MGLL: variants seen among roughly 807,000 people sequenced by gnomAD.
The protein encoded by MGLL is monoglyceride lipase.
Under a neutral mutation model 29.1 loss-of-function variants are expected in MGLL, and 7 were observed. The ratio of observed to expected loss-of-function variants is 0.24; its 90% CI spans 0.14 to 0.45. MGLL has a LOEUF of 0.45. Ranked by LOEUF, MGLL falls within the 20% of genes least tolerant of loss-of-function variation. The pLI, the probability that MGLL is intolerant of heterozygous loss-of-function variation, is 0.99. For missense variants in MGLL, 356 were observed against 413.6 expected (o/e 0.86, Z 1.21); for synonymous variants, 148 against 168.3 (o/e 0.88, Z 0.93).
intron 6 of MGLL, among the ~76,000 whole-genome samples, chr3:127,701,889 C>T (rs940505577): frequency 1.3e-5 from 2 of 152,314 alleles, no homozygotes; most frequent in African/African-American, 4.8e-5. Flanking sequence ...TTAAGCATTT[C>T]CTCCTGTGGA....
At chr3:127,760,701 T>TG (rs1012830459) in intron 3 of MGLL, among the ~76,000 whole-genome samples, 1 of 152,170 alleles carries the variant, frequency 6.6e-6, no homozygotes, top group Non-Finnish European at 1.5e-5. Flanking sequence ...CAGCACTGAT[T>TG]GGGGGGCGCT....
chr3:127,727,315 C>T (rs947307427), intron 3 of MGLL, among the ~76,000 whole-genome samples: 1 of 152,158 alleles, frequency 6.6e-6, no homozygotes, highest in African/African-American at 2.4e-5. Context: ...CTTTCATGCT[C>T]TTCATTAGGC....
At chr3:127,696,085 C>A (rs1227172196) in intron 6 of MGLL, among the ~76,000 whole-genome samples, 3 of 152,186 alleles carry the variant, frequency 2.0e-5, no homozygotes, top group Non-Finnish European at 2.9e-5. Flanking sequence ...GGCCTCCGTG[C>A]CCCTCAGGGC....
intron 3 of MGLL, among the ~76,000 whole-genome samples, chr3:127,751,541 C>T (rs558367545): frequency 2.7e-4 from 41 of 152,006 alleles, no homozygotes; most frequent in African/African-American, 9.2e-4. Context: ...AGCTGCCATG[C>T]GACCTGCAGC....
intron 5 of MGLL, among the ~76,000 whole-genome samples, chr3:127,719,921 G>C (rs1003544959): frequency 3.3e-5 from 5 of 152,154 alleles, no homozygotes; most frequent in African/African-American, 1.2e-4. Flanking sequence ...CTATCAGATA[G>C]TCCCTGATTT....
intron 6 of MGLL, among the ~76,000 whole-genome samples, chr3:127,699,055 C>T (rs1174821379): frequency 2.0e-5 from 3 of 152,182 alleles, no homozygotes; most frequent in East Asian, 1.9e-4. Context: ...TTTTTTTCCC[C>T]GGGGTGGGGG....
chr3:127,741,252 A>G lies in MGLL; in HGVS notation c.263-18686T>C, dbSNP rs143721224. Among the ~76,000 whole-genome samples, 618 of 152,358 alleles carry G rather than the reference A, an allele frequency of 4.1e-3. 5 individuals carry two copies. Among genetic ancestry groups the G allele is most frequent in the African/African-American group, 0.014 (592 of 41,580 alleles). ...GACACAGTGGGGTGGAGTGAATGAG[A>G]ATGGAAACATACAACATGGTGTGTG... On this transcript the variant is annotated intron_variant, in intron 3 of 7. Coordinates refer to ENST00000265052, the MANE Select transcript of MGLL (RefSeq NM_007283.7).
intron 3 of MGLL, among the ~76,000 whole-genome samples, chr3:127,747,725 C>T (rs1020244254): frequency 2.6e-5 from 4 of 152,200 alleles, no homozygotes; most frequent in African/African-American, 9.7e-5. Flanking sequence ...CTCAGGCTCC[C>T]TTGAGACAGG....
At chr3:127,733,804 G>A (rs552140699) in intron 3 of MGLL, among the ~76,000 whole-genome samples, 5 of 152,330 alleles carry the variant, frequency 3.3e-5, no homozygotes, top group African/African-American at 4.8e-5. Flanking sequence ...TGCAGCCATC[G>A]CTCTGACTTC....
chr3:127,765,851 A>G (rs2076846406), intron 3 of MGLL, among the ~76,000 whole-genome samples: 1 of 151,754 alleles, frequency 6.6e-6, no homozygotes, highest in African/African-American at 2.4e-5. Flanking sequence ...CAGGGAACTG[A>G]AAAAAAAAGT....
At chr3:127,717,058 C>T (rs1287157425) in intron 5 of MGLL, among the ~76,000 whole-genome samples, 1 of 152,186 alleles carries the variant, frequency 6.6e-6, no homozygotes, top group Non-Finnish European at 1.5e-5. Flanking sequence ...GTCTAGAAAG[C>T]CCAACACCCA....
chr3:127,721,188 G>T, intron 4 of MGLL, 25 bp from the exon 5 acceptor site: 1 of 1,591,010 alleles, frequency 6.3e-7, no homozygotes, highest in Non-Finnish European at 8.6e-7. Context: ...GGGCAGAGCT[G>T]CTGTGTTCGG....
intron 6 of MGLL, among the ~76,000 whole-genome samples, chr3:127,708,081 T>C (rs1363912936): frequency 1.3e-5 from 2 of 152,224 alleles, no homozygotes; most frequent in Admixed American, 6.5e-5. Context: ...CAAACATTTC[T>C]TTTTGGTTTG....
chr3:127,817,585 C>T (rs1034324111), intron 2 of MGLL, among the ~76,000 whole-genome samples: 12 of 152,362 alleles, frequency 7.9e-5, no homozygotes, highest in South Asian at 4.1e-4. Flanking sequence ...GCCTTGAACT[C>T]ACTGCCTGGC....
At chr3:127,718,302 T>G (rs2075854774) in intron 5 of MGLL, among the ~76,000 whole-genome samples, 1 of 152,154 alleles carries the variant, frequency 6.6e-6, no homozygotes, top group South Asian at 2.1e-4. Context: ...GAACACTGTC[T>G]GAGGAGTCAG....
At chr3:127,747,110 C>A (rs144152036) in intron 3 of MGLL, among the ~76,000 whole-genome samples, 25 of 152,310 alleles carry the variant, frequency 1.6e-4, no homozygotes, top group African/African-American at 5.8e-4. Context: ...CTTAAGTGGA[C>A]ATAAGGAGCT....
At chr3:127,715,502 C>A in intron 5 of MGLL, 1 of 356,152 alleles carries the variant, frequency 2.8e-6, no homozygotes, top group South Asian at 2.1e-5. Flanking sequence ...CATGCAGGGG[C>A]AGGATGTTTT....
At chr3:127,811,682 A>G (rs1487080227) in intron 2 of MGLL, among the ~76,000 whole-genome samples, 1 of 152,260 alleles carries the variant, frequency 6.6e-6, no homozygotes. Flanking sequence ...GCATACTGGC[A>G]TCTGTTCTCA....
chr3:127,746,389 C>A (rs1028135980), intron 3 of MGLL, among the ~76,000 whole-genome samples: 2 of 152,152 alleles, frequency 1.3e-5, no homozygotes, highest in African/African-American at 4.8e-5. Flanking sequence ...ACAGATCCAC[C>A]CTGCCTCAAC....
Sources: allele counts gnomAD v4.1 joint callset (sites outside exome capture counted in the v4.1 genomes callset), GRCh38; gene constraint gnomAD v4.1.1; transcripts MANE v1.5; gene names NCBI Gene and HGNC (gene_info 2026-07-23, HGNC 2026-07-21).